The following ZFYVE21 variants were observed in gnomAD, a reference collection of about 807,000 sequenced individuals.
The protein encoded by ZFYVE21 is zinc finger FYVE-type containing 21, also known as zinc finger FYVE domain-containing protein 21.
Under a neutral mutation model 29.5 loss-of-function variants are expected in ZFYVE21, and 21 were observed. That is an observed-to-expected ratio of 0.71 (90% CI 0.50 to 1.02). The LOEUF is 1.02. ZFYVE21 is among the 50% of genes least tolerant of loss of function. ZFYVE21 has a pLI of 0.00. For synonymous variants in ZFYVE21, 151 were observed against 133.8 expected (o/e 1.13, Z -0.89); for missense variants, 326 against 335.4 (o/e 0.97, Z 0.22).
chr14:103,719,452 CT>C (rs1259419771), intron 1 of ZFYVE21, among the ~76,000 whole-genome samples: 5 of 138,098 alleles, frequency 3.6e-5, no homozygotes, highest in Non-Finnish European at 1.5e-5. Flanking sequence ...AAGACTCTGT[CT>C]CAAAAAAAAA....
intron 1 of ZFYVE21, 190 bp from the exon 2 acceptor site, chr14:103,726,602 A>C: frequency 1.4e-6 from 1 of 690,824 alleles, no homozygotes; most frequent in East Asian, 2.6e-5. Flanking sequence ...CCTGCACCCC[A>C]CCGCATTGGC....
intron 1 of ZFYVE21, among the ~76,000 whole-genome samples, chr14:103,719,169 T>G (rs906030996): frequency 6.6e-6 from 1 of 152,016 alleles, no homozygotes; most frequent in Non-Finnish European, 1.5e-5. Context: ...TTCCAGCTAC[T>G]TGGGAGGCTG....
chr14:103,715,864 G>T lies in ZFYVE21; in HGVS notation c.23G>T (p.Arg8Leu), dbSNP rs1018474493. MSSEVSARRDAKKLVRSP... is the reference protein window; with the variant it reads MSSEVSALRDAKKLVRSP... The stretch of plus-strand genomic sequence containing the variant: ...GTCATGTCCTCCGAGGTGTCCGCGC[G>T]CCGCGACGCCAAGAAGCTGGTGCGC... Residue 8 changes from arginine to leucine, a missense_variant, in exon 1 of 7, where the codon CGC becomes CTC. Coordinates refer to ENST00000311141, the MANE Select transcript of ZFYVE21 (RefSeq NM_024071.4). The T allele has an allele frequency of 3.5e-6, 5 of 1,426,900 alleles. No individual in the cohort carries two copies. Among genetic ancestry groups the T allele is most frequent in the African/African-American group, 1.5e-5 (1 of 67,032 alleles). The allele number at this position is 1,426,900 out of a possible 1,614,324, so 88.4% of individuals were successfully genotyped here.
intron 3 of ZFYVE21, among the ~76,000 whole-genome samples, chr14:103,728,260 G>A (rs1041171353): frequency 1.3e-5 from 2 of 152,344 alleles, no homozygotes; most frequent in Middle Eastern, 3.4e-3. Flanking sequence ...AGGGGCCGGA[G>A]ACCTTTGCCC....
At position 103,716,881 on chromosome 14, in the gene ZFYVE21, TTCTGTGGATTTTA is replaced by T. The variant is rs1444341836; in HGVS notation, c.138+903_138+915del. Among the ~76,000 whole-genome samples the T allele has an allele frequency of 6.6e-6, 1 of 152,228 alleles. No individual in the cohort carries two copies. The highest frequency in any genetic ancestry group is 1.5e-5 in the Non-Finnish European group (1 of 68,040). ...CGCTAACAGGTGTGTCCAGTTTCTG[TTCTGTGGATTTTA>T]CCACGATAAAAAAAAAATTGGGGGA... On this transcript the variant is annotated intron_variant, in intron 1 of 6. Transcript: ENST00000311141. The surrounding 1 kb of genome is among the most constrained non-coding windows in gnomAD (Gnocchi z 4.8).
chr14:103,722,387 C>T (rs1411172188), intron 1 of ZFYVE21, among the ~76,000 whole-genome samples: 1 of 136,256 alleles, frequency 7.3e-6, no homozygotes, highest in Non-Finnish European at 1.5e-5. Flanking sequence ...CAGGGTCTCA[C>T]TCTGCTTCCC....
At chr14:103,718,815 G>A (rs1008535214) in intron 1 of ZFYVE21, among the ~76,000 whole-genome samples, 5 of 152,160 alleles carry the variant, frequency 3.3e-5, no homozygotes, top group African/African-American at 9.7e-5. Context: ...CCATGCTGGC[G>A]GGTTGACACT....
chr14:103,727,759 G>A lies in ZFYVE21; in HGVS notation c.203G>A (p.Arg68His), dbSNP rs1177909277. The A allele has an allele frequency of 1.2e-6, 2 of 1,608,680 alleles. No homozygotes were observed. Among genetic ancestry groups the A allele is most frequent in the South Asian group, 1.1e-5 (1 of 91,066 alleles). The part of the protein sequence containing the change: ...DFLTRKHHCR[R>H]CGKCFCDRCC... ...GCATCTGCCCAGCACCACTGTCGCC[G>A]CTGCGGGAAGTGCTTCTGCGACAGG... Residue 68 changes from arginine to histidine, a missense_variant, in exon 3 of 7, where the codon CGC (arginine) becomes CAC (histidine). By Grantham distance (29) the Arg-to-His change is conservative. Transcript: ENST00000311141.
At chr14:103,727,360 G>GCCCCCCCCCC in intron 2 of ZFYVE21, 5 of 358,080 alleles carry the variant, frequency 1.4e-5, no homozygotes, top group South Asian at 4.2e-5. Flanking sequence ...GCACCCACCT[G>GCCCCCCCCCC]CCCCCCGCCC....
intron 1 of ZFYVE21, among the ~76,000 whole-genome samples, chr14:103,720,865 C>A (rs1356008725): frequency 1.3e-5 from 2 of 152,208 alleles, no homozygotes; most frequent in Non-Finnish European, 2.9e-5. Flanking sequence ...CACTGTCACC[C>A]AGGCTGGAGT....
chr14:103,717,127 C>T (rs773682185), intron 1 of ZFYVE21, among the ~76,000 whole-genome samples: 11 of 152,260 alleles, frequency 7.2e-5, no homozygotes, highest in South Asian at 2.1e-4. Flanking sequence ...ATTCGAGTGA[C>T]TCTGGGGAAG....
At chr14:103,728,714 G>C in intron 3 of ZFYVE21, 194 bp from the exon 4 acceptor site, 1 of 581,330 alleles carries the variant, frequency 1.7e-6, no homozygotes. Context: ...CAGCGCCTTT[G>C]GGTTTACCTC....
intron 1 of ZFYVE21, among the ~76,000 whole-genome samples, chr14:103,722,194 T>C (rs1350276770): frequency 2.6e-5 from 4 of 152,198 alleles, no homozygotes; most frequent in Non-Finnish European, 2.9e-5. Context: ...ATTAAATTGC[T>C]CTGTTGATAA....
intron 3 of ZFYVE21, chr14:103,728,697 T>C: frequency 1.7e-6 from 1 of 572,164 alleles, no homozygotes; most frequent in Non-Finnish European, 3.1e-6. Flanking sequence ...GCAGAACCTG[T>C]CTAGAGCAGC....
chr14:103,715,866 C>T lies in ZFYVE21; in HGVS notation c.25C>T (p.Arg9Cys), dbSNP rs745468327. 7 of 1,428,692 alleles carry T rather than the reference C, an allele frequency of 4.9e-6. No homozygotes were observed. In the South Asian group the frequency reaches 7.9e-5, roughly 16 times the overall value. 88.5% of individuals were successfully genotyped at this position (1,428,692 alleles called of 1,614,324 possible). The change falls in exon 1 of 7, where the codon CGC (arginine) becomes TGC (cysteine). Residue 9 changes from arginine (R) to cysteine (C), a missense_variant. Physicochemically the swap from Arg to Cys is radical, Grantham distance 180 (BLOSUM62 -3). Transcript: ENST00000311141. ...CATGTCCTCCGAGGTGTCCGCGCGC[C>T]GCGACGCCAAGAAGCTGGTGCGCTC... MSSEVSAR[R>C]DAKKLVRSPS...
chr14:103,716,065 C>T lies in ZFYVE21; in HGVS notation c.138+86C>T, dbSNP rs997911377. 16 of 1,137,786 alleles carry T rather than the reference C, an allele frequency of 1.4e-5. No homozygotes were observed. Among genetic ancestry groups the T allele is most frequent in the African/African-American group, 4.9e-5 (3 of 60,964 alleles). The allele number at this position is 1,137,786 out of a possible 1,614,324, so 70.5% of individuals were successfully genotyped here. A position where few individuals can be genotyped will look rare whatever the true frequency, so the allele number is the denominator to read the frequency against. On this transcript the variant is annotated intron_variant, in intron 1 of 6. Coordinates refer to ENST00000311141, the MANE Select transcript of ZFYVE21 (RefSeq NM_024071.4). This position sits in a 1 kb window ranked among gnomAD's most constrained non-coding sequence, Gnocchi z 4.8. ...GCGGGCTTCCAGGCTCCCGCGACGA[C>T]CCCTCCGCCTCCGGGCGGCCCCTTC...
chr14:103,728,131 C>T (rs1351348176), intron 3 of ZFYVE21: 5 of 503,930 alleles, frequency 9.9e-6, no homozygotes, highest in South Asian at 5.3e-5. Flanking sequence ...GTGCTGACTC[C>T]GCTGGGCACG....
chr14:103,718,506 G>GA (rs2083846688), intron 1 of ZFYVE21, among the ~76,000 whole-genome samples: 1 of 152,252 alleles, frequency 6.6e-6, no homozygotes, highest in African/African-American at 2.4e-5. Context: ...GCCTCCTCAG[G>GA]AACCTGTGGG....
At position 103,723,091 on chromosome 14, in the gene ZFYVE21, G is replaced by T. The variant is rs188751759; in HGVS notation, c.139-3701G>T. 1.3e-4 allele frequency among the ~76,000 whole-genome samples: 20 copies of T among 152,314 alleles called. No individual in the cohort carries two copies. The East Asian group carries it at 3.5e-3, about 26-fold the overall frequency. ...CCTCCTGTCGGGCGCTGTGGGCCAG[G>T]GTCACCATGGAGAGACCATCAATAG... On this transcript the variant is annotated intron_variant, in intron 1 of 6. Transcript: ENST00000311141.
Sources: allele counts gnomAD v4.1 joint callset (sites outside exome capture counted in the v4.1 genomes callset), GRCh38; gene constraint gnomAD v4.1.1; non-coding constraint Gnocchi (gnomAD v3.1); transcripts MANE v1.5; gene names NCBI Gene and HGNC (gene_info 2026-07-23, HGNC 2026-07-21).